CTXND2: variants seen among roughly 807,000 people sequenced by gnomAD.
The protein encoded by CTXND2 is cortexin domain containing 2.
intron 1 of CTXND2, among the ~76,000 whole-genome samples, chr1:150,909,922 A>G (rs1164797300): frequency 6.6e-6 from 1 of 152,158 alleles, no homozygotes; most frequent in East Asian, 1.9e-4. Flanking sequence ...ACAGGAACTC[A>G]GGAGGCCAAG....
At chr1:150,898,380 C>T (rs1410709642) in intron 1 of CTXND2, among the ~76,000 whole-genome samples, 3 of 152,046 alleles carry the variant, frequency 2.0e-5, no homozygotes, top group Non-Finnish European at 4.4e-5. Context: ...TAAGAGGAAG[C>T]CCTCTTGGGT....
intron 1 of CTXND2, among the ~76,000 whole-genome samples, chr1:150,905,359 G>C (rs1669122450): frequency 6.8e-6 from 1 of 148,138 alleles, no homozygotes. Context: ...GGCCAGGCTG[G>C]TCTCGGACTC....
Position 150,895,054 on chromosome 1 carries a change from C to T in CTXND2, c.-74+7741C>T, listed in dbSNP as rs868088581. ...CCCCTCAAAAAAACATATATATATA[C>T]ATATATATATATATGATGCTTTTTG... On this transcript the variant is annotated intron_variant, in intron 1 of 1. Transcript: ENST00000636087. Among the ~76,000 whole-genome samples, 268 of 149,372 alleles carry T rather than the reference C, an allele frequency of 1.8e-3. 1 individual carries two copies. The highest frequency in any genetic ancestry group is 6.1e-3 in the African/African-American group (248 of 40,730).
At chr1:150,907,256 G>A (rs1000699580) in intron 1 of CTXND2, among the ~76,000 whole-genome samples, 1 of 152,150 alleles carries the variant, frequency 6.6e-6, no homozygotes, top group Non-Finnish European at 1.5e-5. Flanking sequence ...TCACAGAAAT[G>A]TTTTACCATT....
intron 1 of CTXND2, among the ~76,000 whole-genome samples, chr1:150,905,065 CACACACACA>C (rs1558001646): frequency 9.4e-5 from 4 of 42,758 alleles, no homozygotes; most frequent in South Asian, 1.1e-3. Context: ...AAGAAAACCA[CACACACACA>C]CACACACACA....
At chr1:150,904,763 G>A (rs369566663) in intron 1 of CTXND2, among the ~76,000 whole-genome samples, 1 of 152,100 alleles carries the variant, frequency 6.6e-6, no homozygotes, top group African/African-American at 2.4e-5. Flanking sequence ...AGACATTTTA[G>A]TGTGTTTTAT....
chr1:150,904,787 G>A (rs1669107480), intron 1 of CTXND2, among the ~76,000 whole-genome samples: 1 of 152,108 alleles, frequency 6.6e-6, no homozygotes, highest in South Asian at 2.1e-4. Context: ...TAATATCAAA[G>A]ATTATTTAGC....
intron 1 of CTXND2, among the ~76,000 whole-genome samples, chr1:150,910,835 C>T (rs1214653643): frequency 1.3e-5 from 2 of 151,588 alleles, no homozygotes; most frequent in Non-Finnish European, 2.9e-5. Context: ...GACAGAGTCT[C>T]GCTCTGTCAC....
At chr1:150,899,891 A>C (rs1668970617) in intron 1 of CTXND2, among the ~76,000 whole-genome samples, 1 of 152,194 alleles carries the variant, frequency 6.6e-6, no homozygotes, top group Admixed American at 6.5e-5. Flanking sequence ...TGTCTAGCTA[A>C]AGGATTGTAA....
At position 150,900,576 on chromosome 1, in the gene CTXND2, AG is replaced by A. The variant is rs1289872562; in HGVS notation, c.-73-11664del. On this transcript the variant is annotated intron_variant, in intron 1 of 1. Transcript: ENST00000636087. ...GGCTGGAGAATCACTTGAACCCGGG[AG>A]GTGGAGGTTACAGTCAGCTGAGATT... Among the ~76,000 whole-genome samples, 5 of 152,220 alleles carry A rather than the reference AG, an allele frequency of 3.3e-5. No homozygotes were observed. The East Asian group carries it at 7.7e-4, about 23-fold the overall frequency.
At chr1:150,912,166 T>A in intron 1 of CTXND2, 76 bp from the exon 2 acceptor site, 1 of 396,482 alleles carries the variant, frequency 2.5e-6, no homozygotes, top group Non-Finnish European at 4.4e-6. Context: ...TGGTCCCTTT[T>A]TGGTTTTTCA....
chr1:150,907,622 T>C (rs1461564379), intron 1 of CTXND2, among the ~76,000 whole-genome samples: 1 of 152,186 alleles, frequency 6.6e-6, no homozygotes, highest in Non-Finnish European at 1.5e-5. Context: ...ACAAACATTC[T>C]TGTATAAGTT....
At chr1:150,912,126 A>G (rs1340862498) in intron 1 of CTXND2, 116 bp from the exon 2 acceptor site, 1 of 389,444 alleles carries the variant, frequency 2.6e-6, no homozygotes, top group East Asian at 3.6e-5. Context: ...CTGCTTCTTA[A>G]GTAAATCTTA....
intron 1 of CTXND2, chr1:150,904,208 G>T: frequency 3.2e-6 from 2 of 616,334 alleles, no homozygotes; most frequent in Admixed American, 1.9e-5. Flanking sequence ...AGCTACTAAT[G>T]AGTAATAATT....
intron 1 of CTXND2, among the ~76,000 whole-genome samples, chr1:150,911,522 G>A (rs587719823): frequency 2.0e-5 from 3 of 151,258 alleles, no homozygotes; most frequent in East Asian, 2.0e-4. Context: ...TGCAAACTCC[G>A]CTTCCTGAGT....
At chr1:150,899,363 AG>A in intron 1 of CTXND2, among the ~76,000 whole-genome samples, 1 of 152,022 alleles carries the variant, frequency 6.6e-6, no homozygotes, top group Non-Finnish European at 1.5e-5. Context: ...TGTGCCCAGG[AG>A]TTCAAGGCTG....
At chr1:150,888,335 TCC>T (rs1026241236) in intron 1 of CTXND2, among the ~76,000 whole-genome samples, 2 of 151,404 alleles carry the variant, frequency 1.3e-5, no homozygotes, top group African/African-American at 4.9e-5. Context: ...TGCCTCAGCC[TCC>T]CGAGTAGCTG....
At chr1:150,902,365 C>T (rs587760142) in intron 1 of CTXND2, among the ~76,000 whole-genome samples, 1 of 151,764 alleles carries the variant, frequency 6.6e-6, no homozygotes, top group Non-Finnish European at 1.5e-5. Context: ...TGAGATTGGG[C>T]CACTGCACTC....
chr1:150,892,528 C>CTTTTTTTTTTT (rs5777740), intron 1 of CTXND2, among the ~76,000 whole-genome samples: 1 of 123,350 alleles, frequency 8.1e-6, no homozygotes, highest in African/African-American at 3.0e-5. Context: ...TCTTCTTCTT[C>CTTTTTTTTTTT]TTTTTTTTTT....
Sources: gnomAD v4.1 joint callset for allele counts (sites outside exome capture counted in the v4.1 genomes callset) on GRCh38, gnomAD v4.1.1 for gene constraint, MANE v1.5 for transcripts, NCBI Gene and HGNC (gene_info 2026-07-23, HGNC 2026-07-21) for gene names.